The following LINGO2 variants were observed in gnomAD, a reference collection of about 807,000 sequenced individuals.
The protein encoded by LINGO2 is leucine-rich repeat and immunoglobulin-like domain-containing nogo receptor-interacting protein 2.
In LINGO2, 14 loss-of-function variants were observed where a neutral mutation model predicts 30.6. The ratio of observed to expected loss-of-function variants is 0.46; its 90% CI spans 0.30 to 0.72. The LOEUF is 0.72. Ranked by LOEUF, LINGO2 falls within the 30% of genes least tolerant of loss-of-function variation. LINGO2 has a pLI of 0.07. For missense variants in LINGO2, 729 were observed against 751.7 expected (o/e 0.97, Z 0.35); for synonymous variants, 317 against 288.5 (o/e 1.10, Z -1.00).
intron 4 of LINGO2, among the ~76,000 whole-genome samples, chr9:28,024,831 C>T (rs951289315): frequency 2.6e-5 from 4 of 152,136 alleles, no homozygotes; most frequent in Non-Finnish European, 5.9e-5. Context: ...CCAAATGTTG[C>T]ATCTGAGCAG....
chr9:28,729,063 T>C, the LINGO2 span, among the ~76,000 whole-genome samples: 1 of 152,172 alleles, frequency 6.6e-6, no homozygotes, highest in Non-Finnish European at 1.5e-5. Context: ...GTGTGGAATA[T>C]TGAGAGAGGA....
chr9:28,554,378 A>C (rs1301397487), intron 1 of LINGO2, among the ~76,000 whole-genome samples: 1 of 145,640 alleles, frequency 6.9e-6, no homozygotes, highest in East Asian at 2.0e-4. Flanking sequence ...ACTTTAAACC[A>C]ACAAAGATCA....
chr9:27,961,252 T>C (rs1819830814), intron 5 of LINGO2, among the ~76,000 whole-genome samples: 1 of 152,226 alleles, frequency 6.6e-6, no homozygotes, highest in Admixed American at 6.6e-5. Flanking sequence ...CTTCAACTTG[T>C]AATAGGTTCA....
At chr9:28,840,084 A>T in the LINGO2 span, among the ~76,000 whole-genome samples, 2 of 149,632 alleles carry the variant, frequency 1.3e-5, no homozygotes, top group Non-Finnish European at 2.9e-5. Flanking sequence ...TTCTGGGAGC[A>T]GGGAGGGGCT....
At chr9:27,968,653 C>G (rs573021100) in intron 5 of LINGO2, among the ~76,000 whole-genome samples, 18 of 151,630 alleles carry the variant, frequency 1.2e-4, no homozygotes, top group African/African-American at 4.3e-4. Flanking sequence ...TTTGAGGAAA[C>G]AATAAAAACA....
intron 4 of LINGO2, among the ~76,000 whole-genome samples, chr9:28,167,403 C>T (rs1332781845): frequency 6.6e-6 from 1 of 152,194 alleles, no homozygotes; most frequent in Non-Finnish European, 1.5e-5. Flanking sequence ...CCTTTTGAGA[C>T]AGAGTCTCCC....
chr9:29,061,769 T>C, the LINGO2 span, among the ~76,000 whole-genome samples: 1 of 151,924 alleles, frequency 6.6e-6, no homozygotes. Flanking sequence ...CATTTGACAA[T>C]AGGATTTCTT....
At chr9:28,882,288 A>G in the LINGO2 span, among the ~76,000 whole-genome samples, 2 of 152,324 alleles carry the variant, frequency 1.3e-5, no homozygotes. Context: ...GTCTAACAGC[A>G]TATTCACAAT....
At chr9:28,263,524 C>G (rs1162379177) in intron 4 of LINGO2, among the ~76,000 whole-genome samples, 1 of 152,000 alleles carries the variant, frequency 6.6e-6, no homozygotes, top group African/African-American at 2.4e-5. Flanking sequence ...ATTTGCCTAT[C>G]TGACCTAAAA....
the LINGO2 span, among the ~76,000 whole-genome samples, chr9:28,996,499 C>T: frequency 1.3e-5 from 2 of 152,084 alleles, no homozygotes; most frequent in African/African-American, 4.8e-5. Context: ...ATTTCATTGC[C>T]TTTTGCAGGC....
At chr9:28,730,519 C>G in the LINGO2 span, among the ~76,000 whole-genome samples, 1 of 152,114 alleles carries the variant, frequency 6.6e-6, no homozygotes, top group Admixed American at 6.5e-5. Context: ...AGAAGCAAAG[C>G]TACAGAATGG....
chr9:28,854,406 T>C, the LINGO2 span, among the ~76,000 whole-genome samples: 1 of 152,150 alleles, frequency 6.6e-6, no homozygotes, highest in South Asian at 2.1e-4. Flanking sequence ...ATGTGCAGCA[T>C]TAAAACTGGT....
At chr9:28,613,670 A>G (rs945113682) in intron 1 of LINGO2, among the ~76,000 whole-genome samples, 5 of 152,152 alleles carry the variant, frequency 3.3e-5, no homozygotes, top group Non-Finnish European at 7.4e-5. Context: ...TAGTGGGAAT[A>G]TACTCACACA....
At chr9:28,880,826 G>T in the LINGO2 span, among the ~76,000 whole-genome samples, 1 of 152,178 alleles carries the variant, frequency 6.6e-6, no homozygotes, top group Non-Finnish European at 1.5e-5. Flanking sequence ...CATGTTTGCA[G>T]CAATCCTGCC....
At chr9:29,051,771 C>G in the LINGO2 span, among the ~76,000 whole-genome samples, 1 of 152,070 alleles carries the variant, frequency 6.6e-6, no homozygotes, top group African/African-American at 2.4e-5. Context: ...GGATTTTGGA[C>G]TCAGGAAGCT....
the LINGO2 span, among the ~76,000 whole-genome samples, chr9:28,722,555 A>C: frequency 1.3e-5 from 2 of 152,116 alleles, no homozygotes; most frequent in Non-Finnish European, 2.9e-5. Flanking sequence ...GAGAGGAAGG[A>C]AAGGCCTATC....
chr9:29,088,221 C>A, the LINGO2 span, among the ~76,000 whole-genome samples: 2 of 152,048 alleles, frequency 1.3e-5, no homozygotes, highest in African/African-American at 4.8e-5. Context: ...ATTGACCACA[C>A]CTAGGAGCTT....
chr9:28,941,948 T>A, the LINGO2 span, among the ~76,000 whole-genome samples: 2 of 152,068 alleles, frequency 1.3e-5, no homozygotes, highest in Non-Finnish European at 2.9e-5. Context: ...AATAAGGTAC[T>A]CCCCCTTTAT....
chr9:28,734,543 G>C, the LINGO2 span, among the ~76,000 whole-genome samples: 1 of 152,096 alleles, frequency 6.6e-6, no homozygotes, highest in Non-Finnish European at 1.5e-5. Context: ...TGTTACGTAA[G>C]TCACTTTCCC....
Sources: allele counts gnomAD v4.1 joint callset (sites outside exome capture counted in the v4.1 genomes callset), GRCh38; gene constraint gnomAD v4.1.1; transcripts MANE v1.5; gene names NCBI Gene and HGNC (gene_info 2026-07-23, HGNC 2026-07-21).